Variants in EXOC6B observed in about 807,000 individuals in gnomAD.
EXOC6B encodes exocyst complex component 6B.
EXOC6B carries 54 observed loss-of-function variants against 113.5 expected under a neutral mutation model. The observed-to-expected ratio is 0.48, with a 90% CI of 0.38 to 0.60. The LOEUF (loss-of-function observed/expected upper bound fraction) is 0.60, where lower values mean the gene tolerates loss of function less well. Ranked by LOEUF, EXOC6B falls within the 20% of genes least tolerant of loss-of-function variation. EXOC6B has a pLI of 0.00. For missense variants in EXOC6B, 797 were observed against 977.5 expected (o/e 0.82, Z 2.46); for synonymous variants, 357 against 339.0 (o/e 1.05, Z -0.58).
chr2:72,650,652 G>T (rs1354189257), intron 6 of EXOC6B, among the ~76,000 whole-genome samples: 1 of 151,358 alleles, frequency 6.6e-6, no homozygotes, highest in Non-Finnish European at 1.5e-5. Context: ...AAAAAGAAAA[G>T]AAAAGAGGTA....
intron 1 of EXOC6B, chr2:72,760,688 A>C (rs931338537): frequency 2.0e-5 from 3 of 152,280 alleles, no homozygotes; most frequent in African/African-American, 7.2e-5. Context: ...AAAATTTAAC[A>C]CAAGTGATAA....
intron 8 of EXOC6B, among the ~76,000 whole-genome samples, chr2:72,558,611 A>C (rs1181949757): frequency 6.6e-6 from 1 of 152,156 alleles, no homozygotes; most frequent in East Asian, 1.9e-4. Flanking sequence ...CTCTACTAAA[A>C]ACACAAAATT....
At chr2:72,631,459 TATAG>T (rs1672450170) in intron 6 of EXOC6B, among the ~76,000 whole-genome samples, 3 of 6,954 alleles carry the variant, frequency 4.3e-4, no homozygotes, top group Admixed American at 3.0e-3. Context: ...TATATATATA[TATAG>T]AGAGAGAGAG....
At position 72,224,459 on chromosome 2, in the gene EXOC6B, T is replaced by C. The variant is rs143409081; in HGVS notation, c.2197-40272A>G. 4.6e-3 allele frequency among the ~76,000 whole-genome samples: 698 copies of C among 152,096 alleles called. 7 individuals carry two copies. The highest frequency in any genetic ancestry group is 0.016 in the African/African-American group (646 of 41,490). ...ACTACTCAATTCTCAGGAAAAAAAT[T>C]TAAAAATAAAATCAACAGTACAAAA... On this transcript the variant is annotated intron_variant, in intron 20 of 21. Coordinates refer to ENST00000272427, the MANE Select transcript of EXOC6B (RefSeq NM_015189.3).
At chr2:72,405,211 C>A (rs185907592) in intron 18 of EXOC6B, among the ~76,000 whole-genome samples, 145 of 152,182 alleles carry the variant, frequency 9.5e-4, no homozygotes, top group African/African-American at 3.3e-3. Flanking sequence ...GTGGAAAGAC[C>A]AAATCTACAT....
chr2:72,344,507 A>G (rs1039160654), intron 19 of EXOC6B, among the ~76,000 whole-genome samples: 12 of 151,058 alleles, frequency 7.9e-5, no homozygotes, highest in African/African-American at 2.9e-4. Flanking sequence ...ATTCCTTGCG[A>G]TTTTTAATTG....
At chr2:72,688,717 C>T (rs941500727) in intron 6 of EXOC6B, among the ~76,000 whole-genome samples, 1 of 152,178 alleles carries the variant, frequency 6.6e-6, no homozygotes, top group Non-Finnish European at 1.5e-5. Context: ...GCATCTGCTA[C>T]GTCCACCATG....
intron 19 of EXOC6B, among the ~76,000 whole-genome samples, chr2:72,355,424 T>A (rs755766608): frequency 5.9e-5 from 9 of 152,186 alleles, no homozygotes; most frequent in Non-Finnish European, 1.2e-4. Context: ...CAGTAGAGAA[T>A]GAAAGCATTA....
intron 18 of EXOC6B, among the ~76,000 whole-genome samples, chr2:72,437,048 T>C (rs1193409849): frequency 6.6e-6 from 1 of 152,228 alleles, no homozygotes; most frequent in African/African-American, 2.4e-5. Context: ...TTATCTATCT[T>C]TTATCTTTGA....
intron 16 of EXOC6B, among the ~76,000 whole-genome samples, chr2:72,482,033 A>C (rs920355166): frequency 1.4e-4 from 21 of 152,228 alleles, no homozygotes; most frequent in Non-Finnish European, 2.2e-4. Flanking sequence ...TTTTCTTTAG[A>C]TCACACAGCC....
intron 18 of EXOC6B, among the ~76,000 whole-genome samples, chr2:72,386,288 C>G (rs1296819801): frequency 6.6e-6 from 1 of 152,062 alleles, no homozygotes; most frequent in Non-Finnish European, 1.5e-5. Flanking sequence ...AAAATTGCAG[C>G]CTGGTCATGT....
chr2:72,549,041 A>G (rs1192678747), intron 8 of EXOC6B, among the ~76,000 whole-genome samples: 1 of 152,088 alleles, frequency 6.6e-6, no homozygotes, highest in Non-Finnish European at 1.5e-5. Flanking sequence ...ATTTAAATAA[A>G]TAAGAACTAG....
intron 8 of EXOC6B, among the ~76,000 whole-genome samples, chr2:72,525,095 C>T (rs970363848): frequency 1.3e-5 from 2 of 152,092 alleles, no homozygotes; most frequent in African/African-American, 4.8e-5. Context: ...CCTCCGGGGA[C>T]CGACAGAGTC....
chr2:72,179,686 C>A (rs1018170180), intron 21 of EXOC6B, among the ~76,000 whole-genome samples: 1 of 152,060 alleles, frequency 6.6e-6, no homozygotes, highest in Non-Finnish European at 1.5e-5. Context: ...CTGGTCAAGA[C>A]CCAGTTTTGG....
rs181560547 is a variant in EXOC6B, at chr2:72,223,902, A to G, written c.2197-39715T>C. ...TTCCCAGCTAGTTGGTGAACTTGGC[A>G]TCTATTAAACAGGACATTTTGGAAT... On this transcript the variant is annotated intron_variant, in intron 20 of 21. Coordinates refer to ENST00000272427, the MANE Select transcript of EXOC6B (RefSeq NM_015189.3). Among the ~76,000 whole-genome samples the G allele has an allele frequency of 3.3e-4, 51 of 152,324 alleles. No individual in the cohort carries two copies. In the East Asian group the frequency reaches 5.2e-3, roughly 16 times the overall value.
chr2:72,260,660 T>C (rs920905100), intron 20 of EXOC6B, among the ~76,000 whole-genome samples: 3 of 152,154 alleles, frequency 2.0e-5, no homozygotes, highest in Admixed American at 6.6e-5. Context: ...TCCAGATAAT[T>C]TGATAAGAGA....
chr2:72,622,896 T>C (rs1036268998), intron 6 of EXOC6B, among the ~76,000 whole-genome samples: 3 of 152,222 alleles, frequency 2.0e-5, no homozygotes, highest in Non-Finnish European at 4.4e-5. Context: ...GGTAGAACTA[T>C]AGATTAGTAC....
At chr2:72,665,427 A>C (rs1675323410) in intron 6 of EXOC6B, among the ~76,000 whole-genome samples, 1 of 152,152 alleles carries the variant, frequency 6.6e-6, no homozygotes, top group Admixed American at 6.5e-5. Flanking sequence ...TATAAAAGAA[A>C]ATAATATAAA....
chr2:72,389,547 CTT>C (rs1260188435), intron 18 of EXOC6B, among the ~76,000 whole-genome samples: 1 of 151,996 alleles, frequency 6.6e-6, no homozygotes, highest in African/African-American at 2.4e-5. Context: ...TTCTGAAAAA[CTT>C]AATTTGATAT....
Sources: gnomAD v4.1 joint callset for allele counts (sites outside exome capture counted in the v4.1 genomes callset) on GRCh38, gnomAD v4.1.1 for gene constraint, MANE v1.5 for transcripts, NCBI Gene and HGNC (gene_info 2026-07-23, HGNC 2026-07-21) for gene names.